The following MBP variants were observed in gnomAD, a reference collection of about 807,000 sequenced individuals.
MBP encodes the protein Golli-MBP.
In MBP, 16 loss-of-function variants were observed where a neutral mutation model predicts 35.8. The observed-to-expected ratio is 0.45, with a 90% CI of 0.30 to 0.68. MBP has a LOEUF of 0.68. Ranked by LOEUF, MBP falls within the 30% of genes least tolerant of loss-of-function variation. The pLI is 0.08. For missense variants in MBP, 380 were observed against 404.7 expected (o/e 0.94, Z 0.52); for synonymous variants, 143 against 159.6 (o/e 0.90, Z 0.78).
chr18:77,063,814 T>C (rs898423934), intron 3 of MBP, among the ~76,000 whole-genome samples: 1 of 152,190 alleles, frequency 6.6e-6, no homozygotes, highest in Non-Finnish European at 1.5e-5. Context: ...AATGATATCA[T>C]CTTGATAGCG....
chr18:77,000,018 G>C (rs1341256972), intron 4 of MBP, among the ~76,000 whole-genome samples: 1 of 152,064 alleles, frequency 6.6e-6, no homozygotes, highest in East Asian at 1.9e-4. Flanking sequence ...TCAGATGCTG[G>C]GGGGCATCCT....
At chr18:77,118,790 CACACCCCCT>C (rs1445172284) in intron 1 of MBP, among the ~76,000 whole-genome samples, 4 of 150,366 alleles carry the variant, frequency 2.7e-5, no homozygotes, top group Non-Finnish European at 5.9e-5. Context: ...ACACACACTC[CACACCCCCT>C]ACACACTATA....
At chr18:77,030,027 T>C (rs935942734) in intron 3 of MBP, among the ~76,000 whole-genome samples, 3 of 152,174 alleles carry the variant, frequency 2.0e-5, no homozygotes, top group African/African-American at 4.8e-5. Flanking sequence ...CCAGATCATC[T>C]TTTTAGGGCC....
chr18:77,048,059 C>T (rs9962038), intron 3 of MBP, among the ~76,000 whole-genome samples: 35,421 of 152,150 alleles, frequency 0.23, 4,260 homozygotes, highest in Middle Eastern at 0.29. Context: ...GAATTAAACA[C>T]TTAAATGAGC....
chr18:77,084,569 C>T (rs1975145161), intron 2 of MBP, among the ~76,000 whole-genome samples: 1 of 151,990 alleles, frequency 6.6e-6, no homozygotes. Context: ...TATGTCAGAA[C>T]AATGTATAAT....
At chr18:77,055,721 T>C (rs895634115) in intron 3 of MBP, among the ~76,000 whole-genome samples, 1 of 152,162 alleles carries the variant, frequency 6.6e-6, no homozygotes, top group African/African-American at 2.4e-5. Flanking sequence ...CTGTTTTGTT[T>C]TCAGGTAAAG....
intron 1 of MBP, among the ~76,000 whole-genome samples, chr18:77,130,924 TAG>T (rs1977221682): frequency 6.6e-6 from 1 of 151,306 alleles, no homozygotes; most frequent in Non-Finnish European, 1.5e-5. Context: ...CCGGAGTTAG[TAG>T]AAGTGGTTGT....
intron 2 of MBP, among the ~76,000 whole-genome samples, chr18:77,094,312 T>G (rs1975670039): frequency 6.6e-6 from 1 of 152,332 alleles, no homozygotes; most frequent in Middle Eastern, 3.4e-3. Flanking sequence ...TCTATATTAT[T>G]TTATTCCTCT....
intron 2 of MBP, among the ~76,000 whole-genome samples, chr18:77,075,587 C>T (rs1365287792): frequency 6.6e-6 from 1 of 152,122 alleles, no homozygotes; most frequent in African/African-American, 2.4e-5. Flanking sequence ...CCCTCTTTGA[C>T]TATAGCAGAG....
At chr18:76,993,263 C>A (rs968247213) in intron 4 of MBP, among the ~76,000 whole-genome samples, 1 of 152,134 alleles carries the variant, frequency 6.6e-6, no homozygotes, top group Non-Finnish European at 1.5e-5. Context: ...AAAGAGGGAT[C>A]CCATTTTGGC....
At chr18:77,105,660 G>A (rs1976250545) in intron 1 of MBP, among the ~76,000 whole-genome samples, 1 of 152,166 alleles carries the variant, frequency 6.6e-6, no homozygotes, top group Non-Finnish European at 1.5e-5. Context: ...ATACTCAGGT[G>A]CATTGTTATG....
chr18:77,029,357 A>G (rs886694264), intron 3 of MBP, among the ~76,000 whole-genome samples: 12 of 146,364 alleles, frequency 8.2e-5, no homozygotes, highest in South Asian at 2.3e-4. Flanking sequence ...CCGAGATGGC[A>G]GCAGTACAGT....
intron 7 of MBP, chr18:76,985,926 GC>G: frequency 1.0e-6 from 1 of 986,382 alleles, no homozygotes; most frequent in Non-Finnish European, 1.2e-6. Flanking sequence ...TTCCTCATGG[GC>G]CGTGTGACCG....
At chr18:77,038,691 ATATG>A (rs1463707540) in intron 3 of MBP, among the ~76,000 whole-genome samples, 4 of 152,232 alleles carry the variant, frequency 2.6e-5, no homozygotes, top group Admixed American at 2.6e-4. Context: ...GTATGTTTAT[ATATG>A]TATGGACATG....
chr18:77,124,101 A>G (rs577719971), intron 1 of MBP, among the ~76,000 whole-genome samples: 115 of 152,222 alleles, frequency 7.6e-4, no homozygotes, highest in African/African-American at 2.7e-3. Flanking sequence ...GTGTCACCAG[A>G]TGCCCCAAAA....
At position 76,980,481 on chromosome 18, in the gene MBP, AAG is replaced by A. The variant is rs760814414; in HGVS notation, c.871-12_871-11del. 3.1e-6 allele frequency: 5 copies of A among 1,613,084 alleles called. No homozygotes were observed. Among genetic ancestry groups the A allele is most frequent in the South Asian group, 1.1e-5 (1 of 91,054 alleles). On this transcript the variant is annotated splice_polypyrimidine_tract_variant and intron_variant, in intron 8 of 8. Transcript: ENST00000355994. The stretch of plus-strand genomic sequence containing the variant: ...GACTATCTCTTCCTCCCTGAAAAGG[AAG>A]AGAGAGGAGTTAGGACGAGAGTGCC...
rs1284989085 is a variant in MBP, at chr18:77,101,900, AAAG to A, written c.51+3308_51+3310del. 6.6e-6 allele frequency among the ~76,000 whole-genome samples: 1 copy of A among 152,192 alleles called. No individual in the cohort carries two copies. Among genetic ancestry groups the A allele is most frequent in the Non-Finnish European group, 1.5e-5 (1 of 68,036 alleles). Reference sequence around the variant, plus strand: ...TCAGGAAACTGAGCTTTTATGTGAAAAAGAAGTTAGGAAATAGGTATGATTCAT... The same window carrying A: ...TCAGGAAACTGAGCTTTTATGTGAAAAAGTTAGGAAATAGGTATGATTCAT... On this transcript the variant is annotated intron_variant, in intron 2 of 8. Coordinates refer to ENST00000355994, the MANE Select transcript of MBP (RefSeq NM_001025101.2). This position sits in a 1 kb window ranked among gnomAD's most constrained non-coding sequence, Gnocchi z 4.3.
chr18:77,067,021 C>T (rs922416542), intron 2 of MBP, among the ~76,000 whole-genome samples: 2 of 152,170 alleles, frequency 1.3e-5, no homozygotes, highest in African/African-American at 2.4e-5. Flanking sequence ...GCTTGTTTTT[C>T]GAGTTTAAAG....
intron 8 of MBP, chr18:76,983,779 C>T (rs1006711107): frequency 5.9e-5 from 9 of 152,434 alleles, no homozygotes; most frequent in African/African-American, 2.2e-4. Flanking sequence ...TCTGCACTCA[C>T]CAAGGACGCG....
Sources: allele counts gnomAD v4.1 joint callset (sites outside exome capture counted in the v4.1 genomes callset), GRCh38; gene constraint gnomAD v4.1.1; non-coding constraint Gnocchi (gnomAD v3.1); transcripts MANE v1.5; gene names NCBI Gene and HGNC (gene_info 2026-07-23, HGNC 2026-07-21).